Variants in GPC5 observed in about 807,000 individuals in gnomAD.
GPC5 encodes the protein glypican-5.
Under a neutral mutation model 53.9 loss-of-function variants are expected in GPC5, and 47 were observed. The observed-to-expected ratio is 0.87, with a 90% confidence interval of 0.69 to 1.11. The LOEUF is 1.11. GPC5 is among the 50% of genes most tolerant of loss of function. The pLI, the probability that GPC5 is intolerant of heterozygous loss-of-function variation, is 0.00. For missense variants in GPC5, 748 were observed against 713.1 expected (o/e 1.05, Z -0.56); for synonymous variants, 286 against 263.3 (o/e 1.09, Z -0.84).
At position 92,304,202 on chromosome 13, in the gene GPC5, T is replaced by G. The variant is rs539578541; in HGVS notation, c.1561+159213T>G. On this transcript the variant is annotated intron_variant, in intron 7 of 7. Transcript: ENST00000377067. Reference sequence around the variant, plus strand: ...AAGGCTTTGATATGACCATTTACTTTCTTTTTTTTTTTTTCTTTTTTAGAC... The same window carrying G: ...AAGGCTTTGATATGACCATTTACTTGCTTTTTTTTTTTTTCTTTTTTAGAC... 2.7e-5 allele frequency among the ~76,000 whole-genome samples: 4 copies of G among 146,842 alleles called. No homozygotes were observed. In the South Asian group the frequency reaches 8.4e-4, roughly 31 times the overall value.
At chr13:91,803,046 G>C (rs2038161236) in intron 5 of GPC5, among the ~76,000 whole-genome samples, 1 of 152,082 alleles carries the variant, frequency 6.6e-6, no homozygotes, top group African/African-American at 2.4e-5. Context: ...TTTAAAAATA[G>C]TCAAAATAAT....
intron 5 of GPC5, among the ~76,000 whole-genome samples, chr13:91,879,558 C>T (rs1159793121): frequency 6.6e-6 from 1 of 152,044 alleles, no homozygotes; most frequent in African/African-American, 2.4e-5. Flanking sequence ...TCTCTGTAAC[C>T]TCAGTTGGGG....
intron 2 of GPC5, 60 bp downstream of exon 2, chr13:91,448,982 T>A (rs999955247): frequency 6.1e-5 from 94 of 1,533,558 alleles, no homozygotes; most frequent in Non-Finnish European, 7.7e-5. Flanking sequence ...TTGCCTAAGA[T>A]AGTTACGTTG....
At chr13:92,449,324 A>G (rs1166911137) in intron 7 of GPC5, among the ~76,000 whole-genome samples, 2 of 152,062 alleles carry the variant, frequency 1.3e-5, no homozygotes, top group African/African-American at 4.8e-5. Context: ...CTGCACTTTG[A>G]CTCTAATCCT....
intron 2 of GPC5, among the ~76,000 whole-genome samples, chr13:91,543,294 C>T (rs2030074935): frequency 6.6e-6 from 1 of 152,130 alleles, no homozygotes. Context: ...CTCCGGCCCC[C>T]AATTTTTGTA....
chr13:92,596,764 G>A (rs974995541), intron 7 of GPC5, among the ~76,000 whole-genome samples: 8 of 152,106 alleles, frequency 5.3e-5, no homozygotes, highest in East Asian at 3.8e-4. Context: ...CAGCCACCGC[G>A]CCAGGTTGTA....
At chr13:92,089,776 C>T (rs1298283815) in intron 6 of GPC5, among the ~76,000 whole-genome samples, 2 of 152,082 alleles carry the variant, frequency 1.3e-5, no homozygotes, top group Non-Finnish European at 2.9e-5. Flanking sequence ...AGAGATCTTC[C>T]ATTAATTATT....
chr13:92,385,363 CATATATATACATATATACAT>C (rs1198963486), intron 7 of GPC5, among the ~76,000 whole-genome samples: 4 of 92,192 alleles, frequency 4.3e-5, no homozygotes, highest in East Asian at 3.5e-4. Context: ...TACATATATA[CATATATATACATATATACAT>C]ATATATACAT....
chr13:91,616,938 C>T (rs534103764), intron 2 of GPC5, among the ~76,000 whole-genome samples: 10 of 152,056 alleles, frequency 6.6e-5, no homozygotes, highest in Non-Finnish European at 1.0e-4. Context: ...CCTGTCTTTG[C>T]ACAAAACATC....
chr13:91,433,882 A>T (rs866161466), intron 1 of GPC5, among the ~76,000 whole-genome samples: 1,694 of 146,028 alleles, frequency 0.012, 20 homozygotes, highest in Middle Eastern at 0.022. Context: ...GACTTTTTAA[A>T]GATCGCCAGT....
chr13:92,001,462 G>A (rs2040553242), intron 6 of GPC5, among the ~76,000 whole-genome samples: 1 of 151,968 alleles, frequency 6.6e-6, no homozygotes, highest in Admixed American at 6.6e-5. Context: ...AAATACTATT[G>A]TTCTTACTTT....
At chr13:91,713,142 C>G (rs463579) in intron 3 of GPC5, among the ~76,000 whole-genome samples, 21,943 of 152,058 alleles carry the variant, frequency 0.14, 1,953 homozygotes, top group East Asian at 0.25. Context: ...AGTGAGCTGA[C>G]ATCGTGCCAC....
intron 5 of GPC5, among the ~76,000 whole-genome samples, chr13:91,894,671 A>G (rs61966376): frequency 0.19 from 28,334 of 152,100 alleles, 2,990 homozygotes; most frequent in African/African-American, 0.3. Context: ...GTCATTCTGC[A>G]CCCACCATTT....
chr13:92,451,766 A>C (rs1878069045), intron 7 of GPC5, among the ~76,000 whole-genome samples: 1 of 152,182 alleles, frequency 6.6e-6, no homozygotes, highest in Non-Finnish European at 1.5e-5. Flanking sequence ...AATTAGCAAC[A>C]CTTTAGAATT....
intron 2 of GPC5, among the ~76,000 whole-genome samples, chr13:91,579,130 A>T (rs1194888587): frequency 2.0e-5 from 3 of 152,158 alleles, no homozygotes; most frequent in Admixed American, 1.3e-4. Flanking sequence ...CTTTGTAATT[A>T]TTTTAATTTC....
At chr13:91,539,437 G>C (rs772221468) in intron 2 of GPC5, among the ~76,000 whole-genome samples, 20 of 152,190 alleles carry the variant, frequency 1.3e-4, no homozygotes, top group Non-Finnish European at 2.9e-4. Context: ...TCTTTCCCAG[G>C]CAGGCTGCCT....
intron 7 of GPC5, among the ~76,000 whole-genome samples, chr13:92,592,521 T>G (rs1594329933): frequency 6.6e-6 from 1 of 151,520 alleles, no homozygotes; most frequent in African/African-American, 2.4e-5. Flanking sequence ...AGAAAAATTC[T>G]TAACCCTTTG....
At chr13:92,600,030 T>TA (rs1955736502) in intron 7 of GPC5, among the ~76,000 whole-genome samples, 1 of 152,178 alleles carries the variant, frequency 6.6e-6, no homozygotes, top group Non-Finnish European at 1.5e-5. Flanking sequence ...GCAGAAGCAG[T>TA]AAAAAATGAT....
At chr13:91,757,329 T>G (rs1350975624) in intron 5 of GPC5, among the ~76,000 whole-genome samples, 1 of 152,174 alleles carries the variant, frequency 6.6e-6, no homozygotes, top group African/African-American at 2.4e-5. Context: ...AAGTATACTT[T>G]GGATCTGAAT....
Sources: allele counts gnomAD v4.1 joint callset (sites outside exome capture counted in the v4.1 genomes callset), GRCh38; gene constraint gnomAD v4.1.1; transcripts MANE v1.5; gene names NCBI Gene and HGNC (gene_info 2026-07-23, HGNC 2026-07-21).